Variants in HPGDS observed in about 807,000 individuals in gnomAD.
HPGDS encodes the protein GST class-sigma.
HPGDS carries 26 observed loss-of-function variants against 23.1 expected under a neutral mutation model. The observed-to-expected ratio is 1.13, with a 90% CI of 0.83 to 1.56. The LOEUF is 1.56. Among genes scored for constraint, HPGDS ranks in the 40% most tolerant of loss-of-function variants. HPGDS has a pLI of 0.00. For missense variants in HPGDS, 268 were observed against 236.4 expected (o/e 1.13, Z -0.88); for synonymous variants, 95 against 77.9 (o/e 1.22, Z -1.16).
intron 1 of HPGDS, among the ~76,000 whole-genome samples, chr4:94,337,826 G>A (rs1266244492): frequency 6.6e-6 from 1 of 152,114 alleles, no homozygotes; most frequent in Non-Finnish European, 1.5e-5. Flanking sequence ...TCAAAATCAT[G>A]CTATTTTATA....
At chr4:94,314,763 T>C (rs1329237491) in intron 3 of HPGDS, among the ~76,000 whole-genome samples, 1 of 152,206 alleles carries the variant, frequency 6.6e-6, no homozygotes, top group Non-Finnish European at 1.5e-5. Flanking sequence ...CAGGCAGGCC[T>C]CCTTGAGCTG....
chr4:94,324,232 C>T (rs1221971502), intron 2 of HPGDS, among the ~76,000 whole-genome samples: 2 of 152,074 alleles, frequency 1.3e-5, no homozygotes, highest in African/African-American at 2.4e-5. Context: ...CTGACGATTA[C>T]ATGTCTTGGA....
At chr4:94,329,707 G>T (rs764093469) in intron 2 of HPGDS, among the ~76,000 whole-genome samples, 1 of 152,238 alleles carries the variant, frequency 6.6e-6, no homozygotes, top group Non-Finnish European at 1.5e-5. Context: ...GCTACTGGAA[G>T]TGTTTGAGCC....
chr4:94,333,847 T>C (rs145778511), intron 2 of HPGDS, among the ~76,000 whole-genome samples: 205 of 152,364 alleles, frequency 1.3e-3, no homozygotes, highest in Non-Finnish European at 2.5e-3. Flanking sequence ...TCACCTATTA[T>C]ATATTCACTG....
intron 3 of HPGDS, among the ~76,000 whole-genome samples, chr4:94,313,766 C>T: frequency 6.6e-6 from 1 of 152,234 alleles, no homozygotes; most frequent in Non-Finnish European, 1.5e-5. Context: ...CCATCACTTT[C>T]AGGTACACCA....
At chr4:94,327,012 C>G (rs1414058989) in intron 2 of HPGDS, among the ~76,000 whole-genome samples, 1 of 151,984 alleles carries the variant, frequency 6.6e-6, no homozygotes, top group Admixed American at 6.6e-5. Flanking sequence ...GTGGCTTAGG[C>G]TGTAGTTATT....
chr4:94,315,598 TA>T (rs1192121065), intron 3 of HPGDS, among the ~76,000 whole-genome samples: 1 of 152,124 alleles, frequency 6.6e-6, no homozygotes, highest in East Asian at 1.9e-4. Flanking sequence ...AGAAGCTTTC[TA>T]AAATGGATTG....
At chr4:94,310,650 A>G (rs1756247502) in intron 3 of HPGDS, among the ~76,000 whole-genome samples, 1 of 152,024 alleles carries the variant, frequency 6.6e-6, no homozygotes, top group African/African-American at 2.4e-5. Context: ...ACTTTAAAGT[A>G]GTTTTTTTCC....
chr4:94,329,426 G>A (rs1008583426), intron 2 of HPGDS, among the ~76,000 whole-genome samples: 1 of 152,152 alleles, frequency 6.6e-6, no homozygotes, highest in Admixed American at 6.5e-5. Flanking sequence ...CCAAATTAGT[G>A]AGAGATTTGA....
Position 94,311,792 on chromosome 4 carries a change from A to G in HPGDS, c.227-3049T>C, listed in dbSNP as rs1337847613. ...CTGGACTTTTTTTGGTTGGTAAGCT[A>G]TAAATTATTGCCTCAATTTGAGAGT... On this transcript the variant is annotated intron_variant, in intron 3 of 5. Coordinates refer to ENST00000295256, the MANE Select transcript of HPGDS (RefSeq NM_014485.3). 2.0e-5 allele frequency among the ~76,000 whole-genome samples: 3 copies of G among 151,350 alleles called. 1 individual carries two copies. Among genetic ancestry groups the G allele is most frequent in the African/African-American group, 4.9e-5 (2 of 40,704 alleles).
chr4:94,331,467 A>G (rs1756735443), intron 2 of HPGDS, among the ~76,000 whole-genome samples: 1 of 152,166 alleles, frequency 6.6e-6, no homozygotes, highest in African/African-American at 2.4e-5. Flanking sequence ...ATGTCTTAAA[A>G]GGCAAAGAAA....
intron 1 of HPGDS, among the ~76,000 whole-genome samples, chr4:94,336,552 C>T (rs925710548): frequency 6.6e-6 from 1 of 152,180 alleles, no homozygotes; most frequent in African/African-American, 2.4e-5. Context: ...ATGTAGCATT[C>T]ACCGCATATA....
chr4:94,339,662 C>G (rs944588638), intron 1 of HPGDS, among the ~76,000 whole-genome samples: 2 of 151,974 alleles, frequency 1.3e-5, no homozygotes, highest in Admixed American at 1.3e-4. Flanking sequence ...AAAGTACTAT[C>G]TTGGGTACTT....
chr4:94,307,440 T>A (rs943094650), intron 4 of HPGDS, among the ~76,000 whole-genome samples: 1 of 152,048 alleles, frequency 6.6e-6, no homozygotes, highest in Non-Finnish European at 1.5e-5. Flanking sequence ...TCTGTCATAA[T>A]CATATCTGCT....
intron 3 of HPGDS, among the ~76,000 whole-genome samples, chr4:94,310,589 T>C (rs1415832619): frequency 1.3e-5 from 2 of 152,224 alleles, no homozygotes. Context: ...GCCTTGTTCT[T>C]TTTGCTTAGG....
intron 2 of HPGDS, among the ~76,000 whole-genome samples, chr4:94,325,524 C>T (rs1290559389): frequency 1.3e-5 from 2 of 152,216 alleles, no homozygotes; most frequent in African/African-American, 4.8e-5. Context: ...TGCCGCCTTG[C>T]AGTTCGATCT....
intron 4 of HPGDS, among the ~76,000 whole-genome samples, chr4:94,305,248 G>A (rs2126035367): frequency 6.6e-6 from 1 of 152,174 alleles, no homozygotes; most frequent in East Asian, 1.9e-4. Context: ...CTAGTAAGAA[G>A]GGAATCAGGA....
At position 94,320,708 on chromosome 4, in the gene HPGDS, A is replaced by T. The variant is rs142670661; in HGVS notation, c.134-2743T>A. On this transcript the variant is annotated intron_variant, in intron 2 of 5. Transcript: ENST00000295256. ...TTGCAAAATTTTTCTCCCATTCTGC[A>T]GGTTGCCTGTTCACTCTAATGGTAG... Among the ~76,000 whole-genome samples, 1,259 of 152,314 alleles carry T rather than the reference A, an allele frequency of 8.3e-3. 8 individuals carry two copies. Among genetic ancestry groups the T allele is most frequent in the Middle Eastern group, 0.054 (16 of 294 alleles).
intron 3 of HPGDS, among the ~76,000 whole-genome samples, chr4:94,315,550 A>T (rs1006724371): frequency 6.6e-6 from 1 of 152,148 alleles, no homozygotes; most frequent in African/African-American, 2.4e-5. Flanking sequence ...TCTTCCTAAA[A>T]GTTTTCTCAA....
Sources: gnomAD v4.1 joint callset for allele counts (sites outside exome capture counted in the v4.1 genomes callset) on GRCh38, gnomAD v4.1.1 for gene constraint, MANE v1.5 for transcripts, NCBI Gene and HGNC (gene_info 2026-07-23, HGNC 2026-07-21) for gene names.